Variants in ZNF197 observed in about 807,000 individuals in gnomAD.
The protein encoded by ZNF197 is zinc finger protein 197.
ZNF197 carries 14 observed loss-of-function variants against 27.4 expected under a neutral mutation model. That is an observed-to-expected ratio of 0.51 (90% CI 0.34 to 0.80). The LOEUF (loss-of-function observed/expected upper bound fraction) is 0.80, where lower values mean the gene tolerates loss of function less well. Ranked by LOEUF, ZNF197 falls within the 30% of genes least tolerant of loss-of-function variation. The pLI, the probability that ZNF197 is intolerant of heterozygous loss-of-function variation, is 0.02. For missense variants in ZNF197, 1,090 were observed against 1,222.6 expected (o/e 0.89, Z 1.62); for synonymous variants, 415 against 420.0 (o/e 0.99, Z 0.15).
Position 44,641,419 on chromosome 3 carries a change from A to G in ZNF197, c.770-481A>G, listed in dbSNP as rs556671177. 1.6e-4 allele frequency among the ~76,000 whole-genome samples: 25 copies of G among 152,358 alleles called. No homozygotes were observed. In the South Asian group the frequency reaches 1.7e-3, roughly 10 times the overall value. ...GGTTAATTGCTTTCAACCAGTTAAA[A>G]AGTATTCATGCCTTTGACTTTTCAA... On this transcript the variant is annotated intron_variant, in intron 5 of 5. Coordinates refer to ENST00000344387, the MANE Select transcript of ZNF197 (RefSeq NM_006991.5).
intron 1 of ZNF197, 111 bp from the exon 2 acceptor site, chr3:44,628,963 C>A: frequency 1.4e-6 from 1 of 724,644 alleles, no homozygotes; most frequent in Non-Finnish European, 2.1e-6. Flanking sequence ...GAACCTTGCA[C>A]TCACAAAGGT....
chr3:44,630,205 A>C (rs1019205730), intron 2 of ZNF197, among the ~76,000 whole-genome samples: 9 of 152,222 alleles, frequency 5.9e-5, no homozygotes, highest in African/African-American at 2.2e-4. Context: ...TGATGGAGTG[A>C]GATCCTGTCT....
intron 1 of ZNF197, among the ~76,000 whole-genome samples, chr3:44,625,752 A>G (rs73829670): frequency 0.2 from 723 of 3,562 alleles, 2 homozygotes; most frequent in East Asian, 0.4. Flanking sequence ...GCGCGCGCGC[A>G]CACACACACA....
chr3:44,646,404 C>A lies in ZNF197; in HGVS notation c.*2184C>A. 1 of 1,602,350 alleles carries A rather than the reference C, an allele frequency of 6.2e-7. No homozygotes were observed. Among genetic ancestry groups the A allele is most frequent in the Admixed American group, 1.7e-5 (1 of 58,438 alleles). ...TGTCACATTGCTTAGATTGAGACAG[C>A]CCACATAATGTGCCACCTTCTGTGA... On this transcript the variant is annotated 3_prime_UTR_variant, in exon 6 of 6. Coordinates refer to ENST00000344387, the MANE Select transcript of ZNF197 (RefSeq NM_006991.5).
Position 44,646,488 on chromosome 3 carries a change from C to T in ZNF197, c.*2268C>T. The stretch of plus-strand genomic sequence containing the variant: ...AATCAAGCTTCTTGGACCTCATTGC[C>T]AGGTTACAGGAAATACAGGAGGCAG... On this transcript the variant is annotated 3_prime_UTR_variant, in exon 6 of 6. Coordinates refer to ENST00000344387, the MANE Select transcript of ZNF197 (RefSeq NM_006991.5). 6 of 1,598,704 alleles carry T rather than the reference C, an allele frequency of 3.8e-6. No homozygotes were observed. Among genetic ancestry groups the T allele is most frequent in the Non-Finnish European group, 5.1e-6 (6 of 1,166,098 alleles).
chr3:44,642,248 A>C lies in ZNF197; in HGVS notation c.1118A>C (p.Asp373Ala). Residue 373 changes from aspartate (D) to alanine (A), a missense_variant, in exon 6 of 6, where the codon GAT becomes GCT. By Grantham distance (126) the Asp-to-Ala change is moderately radical. Coordinates refer to ENST00000344387, the MANE Select transcript of ZNF197 (RefSeq NM_006991.5). The stretch of plus-strand genomic sequence containing the variant: ...GAAGGAAAGAAGTTTTATAAATGTG[A>C]TATGTGTTGTAAACATTTTAATAAA... ...GTEGKKFYKC[D>A]MCCKHFNKIS... The C allele has an allele frequency of 6.2e-7, 1 of 1,614,034 alleles. No individual in the cohort carries two copies. The highest frequency in any genetic ancestry group is 8.5e-7 in the Non-Finnish European group (1 of 1,179,978).
At chr3:44,630,978 G>A in intron 2 of ZNF197, 84 bp from the exon 3 acceptor site, 1 of 1,573,002 alleles carries the variant, frequency 6.4e-7, no homozygotes, top group South Asian at 1.1e-5. Flanking sequence ...GTTGTAGATT[G>A]TGGGCAGAAA....
chr3:44,636,756 T>C (rs1319880658), intron 5 of ZNF197, among the ~76,000 whole-genome samples: 2 of 152,250 alleles, frequency 1.3e-5, no homozygotes, highest in Non-Finnish European at 2.9e-5. Flanking sequence ...GATAACTCTG[T>C]ATTTAATCAT....
chr3:44,633,467 G>A (rs375718079), intron 5 of ZNF197, among the ~76,000 whole-genome samples: 8 of 152,134 alleles, frequency 5.3e-5, no homozygotes, highest in African/African-American at 1.7e-4. Context: ...TGCAGAAAAC[G>A]GGGCAATCAG....
At chr3:44,630,427 G>A (rs1575461605) in intron 2 of ZNF197, among the ~76,000 whole-genome samples, 1 of 152,190 alleles carries the variant, frequency 6.6e-6, no homozygotes, top group Admixed American at 6.5e-5. Flanking sequence ...TTGTACATCT[G>A]TAGCTCACTA....
At chr3:44,635,548 C>T (rs1702236267) in intron 5 of ZNF197, among the ~76,000 whole-genome samples, 1 of 152,126 alleles carries the variant, frequency 6.6e-6, no homozygotes, top group Admixed American at 6.6e-5. Flanking sequence ...AATTTTCATG[C>T]ATCGATAAAC....
intron 1 of ZNF197, among the ~76,000 whole-genome samples, chr3:44,627,844 A>G (rs6769637): frequency 0.022 from 3,272 of 152,052 alleles, 72 homozygotes; most frequent in African/African-American, 0.053. Flanking sequence ...AAAAAAAAAA[A>G]AAAGAAATTT....
Position 44,646,082 on chromosome 3 carries a change from A to G in ZNF197, c.*1862A>G, listed in dbSNP as rs1392759093. ...GGGGGCTGGTTCCTCATTAGAGTGAAAGGTAGCCAAGAGTGAAAACTGGAA... is the reference window on the plus strand; with the variant it reads ...GGGGGCTGGTTCCTCATTAGAGTGAGAGGTAGCCAAGAGTGAAAACTGGAA... On this transcript the variant is annotated 3_prime_UTR_variant, in exon 6 of 6. Transcript: ENST00000344387. 1.0e-6 allele frequency: 1 copy of G among 985,226 alleles called. No individual in the cohort carries two copies. The highest frequency in any genetic ancestry group is 1.2e-6 in the Non-Finnish European group (1 of 829,934). The allele number at this position is 985,226 out of a possible 1,614,324, so 61.0% of individuals were successfully genotyped here. A position where few individuals can be genotyped will look rare whatever the true frequency, so the allele number is the denominator to read the frequency against.
intron 5 of ZNF197, among the ~76,000 whole-genome samples, chr3:44,633,805 T>C (rs759526315): frequency 5.9e-5 from 9 of 152,234 alleles, no homozygotes; most frequent in Non-Finnish European, 8.8e-5. Context: ...ATATTTCTGG[T>C]AATATTTATT....
At chr3:44,638,523 G>T (rs777272525) in intron 5 of ZNF197, among the ~76,000 whole-genome samples, 1 of 152,134 alleles carries the variant, frequency 6.6e-6, no homozygotes, top group Non-Finnish European at 1.5e-5. Context: ...TCTGCAAATA[G>T]AGATAATTTT....
At position 44,631,159 on chromosome 3, in the gene ZNF197, C is replaced by G; in HGVS notation, c.488C>G (p.Ala163Gly). 1.9e-6 allele frequency: 3 copies of G among 1,614,138 alleles called. No homozygotes were observed. Among genetic ancestry groups the G allele is most frequent in the Non-Finnish European group, 2.5e-6 (3 of 1,180,032 alleles). ...PPVLPGSHIA[A>G]EICPHPPTDL... is the part of the protein sequence containing the mutation. Reference sequence around the variant, plus strand: ...GTACTTCCTGGCAGCCACATAGCAGCTGAAATTTGCCCGCATCCTCCTACT... The same window carrying G: ...GTACTTCCTGGCAGCCACATAGCAGGTGAAATTTGCCCGCATCCTCCTACT... The change falls in exon 3 of 6, where the codon GCT becomes GGT. Residue 163 changes from alanine to glycine, a missense_variant. Coordinates refer to ENST00000344387, the MANE Select transcript of ZNF197 (RefSeq NM_006991.5).
At position 44,625,810 on chromosome 3, in the gene ZNF197, G is replaced by T. The variant is rs373492104; in HGVS notation, c.-82+667G>T. ...CACTCATTGCCAACCTGTCAGCGACGATTGTTACTGGTTTTCTCTTTTTGC... is the reference window on the plus strand; with the variant it reads ...CACTCATTGCCAACCTGTCAGCGACTATTGTTACTGGTTTTCTCTTTTTGC... On this transcript the variant is annotated intron_variant, in intron 1 of 5. Coordinates refer to ENST00000344387, the MANE Select transcript of ZNF197 (RefSeq NM_006991.5). Among the ~76,000 whole-genome samples the T allele has an allele frequency of 3.8e-4, 58 of 151,710 alleles. No individual in the cohort carries two copies. The East Asian group carries it at 0.011, about 29-fold the overall frequency.
intron 5 of ZNF197, among the ~76,000 whole-genome samples, chr3:44,639,699 A>AG (rs1702491387): frequency 6.6e-6 from 1 of 152,072 alleles, no homozygotes; most frequent in Admixed American, 6.6e-5. Flanking sequence ...TTTAGAACTT[A>AG]GTTTTAAAGG....
Position 44,632,556 on chromosome 3 carries a change from C to T in ZNF197, c.726C>T (p.Tyr242=). Residue 242 remains tyrosine (Y), a synonymous_variant, in exon 5 of 6, where the codon TAC becomes TAT. Coordinates refer to ENST00000344387, the MANE Select transcript of ZNF197 (RefSeq NM_006991.5). ...ACLGPIQRAL[Y]WDVMLENYGN... ...TGGGCCCAATCCAGAGGGCCTTGTA[C>T]TGGGATGTGATGCTGGAGAATTATG... 3 of 1,604,416 alleles carry T rather than the reference C, an allele frequency of 1.9e-6. No homozygotes were observed. The highest frequency in any genetic ancestry group is 2.6e-6 in the Non-Finnish European group (3 of 1,175,092).
Sources: allele counts gnomAD v4.1 joint callset (sites outside exome capture counted in the v4.1 genomes callset), GRCh38; gene constraint gnomAD v4.1.1; transcripts MANE v1.5; gene names NCBI Gene and HGNC (gene_info 2026-07-23, HGNC 2026-07-21).